RPS6KC1: variants seen among roughly 807,000 people sequenced by gnomAD.
RPS6KC1 encodes ribosomal protein S6 kinase C1.
Under a neutral mutation model 103.8 loss-of-function variants are expected in RPS6KC1, and 54 were observed. The observed-to-expected ratio is 0.52, with a 90% confidence interval of 0.42 to 0.65. The LOEUF is 0.65. Ranked by LOEUF, RPS6KC1 falls within the 30% of genes least tolerant of loss-of-function variation. The pLI, the probability that RPS6KC1 is intolerant of heterozygous loss-of-function variation, is 0.00. For synonymous variants in RPS6KC1, 439 were observed against 438.7 expected (o/e 1.00, Z -0.01); for missense variants, 1,151 against 1,253.8 (o/e 0.92, Z 1.24).
the RPS6KC1 span, among the ~76,000 whole-genome samples, chr1:213,637,284 A>G: frequency 6.7e-6 from 1 of 149,150 alleles, no homozygotes; most frequent in East Asian, 1.9e-4. Context: ...AGGATTATAA[A>G]TCATGCTACT....
the RPS6KC1 span, among the ~76,000 whole-genome samples, chr1:213,516,805 C>T: frequency 6.6e-6 from 1 of 152,158 alleles, no homozygotes. Flanking sequence ...AGGAATGGTA[C>T]CAGCTCCTCC....
chr1:213,360,969 C>G, the RPS6KC1 span, among the ~76,000 whole-genome samples: 1 of 152,238 alleles, frequency 6.6e-6, no homozygotes, highest in Non-Finnish European at 1.5e-5. Flanking sequence ...TCTGCCCCTA[C>G]TGGGGGGTGC....
chr1:213,354,473 A>G, the RPS6KC1 span, among the ~76,000 whole-genome samples: 2 of 152,218 alleles, frequency 1.3e-5, no homozygotes, highest in Non-Finnish European at 2.9e-5. Context: ...TGATGAGTCA[A>G]TTCAGGCTGA....
the RPS6KC1 span, among the ~76,000 whole-genome samples, chr1:213,284,476 C>T: frequency 1.3e-5 from 2 of 151,314 alleles, no homozygotes; most frequent in Non-Finnish European, 2.9e-5. Flanking sequence ...TGCCACTGCA[C>T]TCTAGCCTGG....
chr1:213,786,660 A>C, the RPS6KC1 span, among the ~76,000 whole-genome samples: 1 of 152,208 alleles, frequency 6.6e-6, no homozygotes, highest in African/African-American at 2.4e-5. Flanking sequence ...TGTCAACTGT[A>C]TATTTTGATG....
At chr1:213,252,520 A>G (rs1211729100) in intron 12 of RPS6KC1, among the ~76,000 whole-genome samples, 1 of 152,204 alleles carries the variant, frequency 6.6e-6, no homozygotes, top group African/African-American at 2.4e-5. Flanking sequence ...TTCTGATAGT[A>G]TAAAGGTATA....
chr1:213,641,153 ACT>A, the RPS6KC1 span, among the ~76,000 whole-genome samples: 1 of 131,304 alleles, frequency 7.6e-6, no homozygotes, highest in Admixed American at 7.4e-5. Flanking sequence ...ACTGATTCTT[ACT>A]CTTTTACCAT....
At chr1:213,717,857 C>A in the RPS6KC1 span, among the ~76,000 whole-genome samples, 1 of 152,168 alleles carries the variant, frequency 6.6e-6, no homozygotes, top group African/African-American at 2.4e-5. Context: ...TGGGTGTGAG[C>A]CTCTTCCCAG....
the RPS6KC1 span, among the ~76,000 whole-genome samples, chr1:213,518,720 C>T: frequency 6.6e-6 from 1 of 152,172 alleles, no homozygotes; most frequent in South Asian, 2.1e-4. Context: ...CTGGACCACA[C>T]TCATCAGCTG....
the RPS6KC1 span, among the ~76,000 whole-genome samples, chr1:213,578,285 T>A: frequency 2.0e-5 from 3 of 152,260 alleles, no homozygotes; most frequent in Admixed American, 2.0e-4. Context: ...CAGGCAGAGG[T>A]GTGCTGCAGG....
chr1:213,362,907 G>A, the RPS6KC1 span, among the ~76,000 whole-genome samples: 1 of 152,176 alleles, frequency 6.6e-6, no homozygotes, highest in Non-Finnish European at 1.5e-5. Context: ...TGCAACATGG[G>A]CTCTTCCTAG....
At chr1:213,623,940 C>G in the RPS6KC1 span, among the ~76,000 whole-genome samples, 1 of 152,178 alleles carries the variant, frequency 6.6e-6, no homozygotes, top group Non-Finnish European at 1.5e-5. Flanking sequence ...AGGGTTACCG[C>G]TGGACACTGA....
chr1:213,752,333 A>T, the RPS6KC1 span, among the ~76,000 whole-genome samples: 1 of 152,154 alleles, frequency 6.6e-6, no homozygotes, highest in South Asian at 2.1e-4. Flanking sequence ...TCACAGGACC[A>T]AAAACAGTCA....
chr1:213,825,269 C>T, the RPS6KC1 span, among the ~76,000 whole-genome samples: 1 of 152,198 alleles, frequency 6.6e-6, no homozygotes, highest in Admixed American at 6.5e-5. Flanking sequence ...TCACTTTCCA[C>T]AGCACTAGAA....
At chr1:213,786,347 T>C in the RPS6KC1 span, among the ~76,000 whole-genome samples, 1 of 152,220 alleles carries the variant, frequency 6.6e-6, no homozygotes, top group African/African-American at 2.4e-5. Flanking sequence ...TTAGCCACAC[T>C]TCATAGTTGT....
chr1:213,058,171 C>A (rs769689441), intron 1 of RPS6KC1, among the ~76,000 whole-genome samples: 8 of 149,942 alleles, frequency 5.3e-5, no homozygotes, highest in Non-Finnish European at 1.0e-4. Flanking sequence ...CCTCGACCTC[C>A]TAGGCTGAAG....
the RPS6KC1 span, among the ~76,000 whole-genome samples, chr1:213,374,944 T>G: frequency 6.6e-6 from 1 of 152,130 alleles, no homozygotes; most frequent in African/African-American, 2.4e-5. Context: ...TTTCTACGTC[T>G]CATATATTTA....
At chr1:213,482,898 A>G in the RPS6KC1 span, among the ~76,000 whole-genome samples, 3 of 151,632 alleles carry the variant, frequency 2.0e-5, no homozygotes, top group Admixed American at 1.3e-4. Context: ...CCTGTCTTCT[A>G]TTGTTCTTCT....
chr1:213,727,581 A>G, the RPS6KC1 span, among the ~76,000 whole-genome samples: 1 of 152,226 alleles, frequency 6.6e-6, no homozygotes, highest in South Asian at 2.1e-4. Flanking sequence ...GAGAAGCCAC[A>G]GGAGTGATTT....
Sources: gnomAD v4.1 joint callset for allele counts (sites outside exome capture counted in the v4.1 genomes callset) on GRCh38, gnomAD v4.1.1 for gene constraint, MANE v1.5 for transcripts, NCBI Gene and HGNC (gene_info 2026-07-23, HGNC 2026-07-21) for gene names.